Variants in DNM1 observed in about 807,000 individuals in gnomAD.
DNM1 encodes dynamin 1, also known as dynamin-1.
In DNM1, 29 loss-of-function variants were observed where a neutral mutation model predicts 104.6. The ratio of observed to expected loss-of-function variants is 0.28; its 90% CI spans 0.21 to 0.38. DNM1 has a LOEUF of 0.38. DNM1 is among the 10% of genes least tolerant of loss of function. The pLI, the probability that DNM1 is intolerant of heterozygous loss-of-function variation, is 1.00. For missense variants in DNM1, 640 were observed against 1,189.4 expected (o/e 0.54, Z 6.79); for synonymous variants, 445 against 475.8 (o/e 0.94, Z 0.84).
intron 15 of DNM1, chr9:128,244,990 T>G: frequency 2.4e-5 from 6 of 254,678 alleles, no homozygotes; most frequent in East Asian, 1.1e-4. Context: ...TCCTTTGACG[T>G]GGCAGGGGTG....
At position 128,220,914 on chromosome 9, in the gene DNM1, T is replaced by TTTCTTTCC. The variant is rs1834948644; in HGVS notation, c.849+580_849+581insCTTCTTTC. ...CTTTCTTTCTTTCTTTCTTTCTTTC[T>TTTCTTTCC]TTCTTTCTTTCTTTCTTTCTTTTCT... On this transcript the variant is annotated intron_variant, in intron 6 of 21. Transcript: ENST00000372923. The surrounding 1 kb of genome is among the most constrained non-coding windows in gnomAD (Gnocchi z 5.2). Among the ~76,000 whole-genome samples, 1 of 148,670 alleles carries TTTCTTTCC rather than the reference T, an allele frequency of 6.7e-6. No individual in the cohort carries two copies. The highest frequency in any genetic ancestry group is 1.5e-5 in the Non-Finnish European group (1 of 66,936).
intron 1 of DNM1, among the ~76,000 whole-genome samples, chr9:128,217,830 G>A (rs1268087336): frequency 2.0e-5 from 3 of 152,202 alleles, no homozygotes; most frequent in African/African-American, 4.8e-5. Flanking sequence ...AGGGAGGGGA[G>A]AAGTTACAGC....
intron 10 of DNM1, among the ~76,000 whole-genome samples, chr9:128,228,464 C>T (rs962610466): frequency 6.6e-6 from 1 of 152,176 alleles, no homozygotes; most frequent in African/African-American, 2.4e-5. Context: ...CATGAGCCAC[C>T]ATCTGGCAAC....
intron 14 of DNM1, among the ~76,000 whole-genome samples, chr9:128,241,377 T>G (rs1423628715): frequency 1.3e-5 from 2 of 152,170 alleles, no homozygotes; most frequent in African/African-American, 4.8e-5. Flanking sequence ...TGGACAGTCC[T>G]GGGGACAGCT....
At position 128,220,742 on chromosome 9, in the gene DNM1, C is replaced by CGTGTGTGTGTGTGT. The variant is rs140950284; in HGVS notation, c.849+414_849+427dup. 4.7e-3 allele frequency among the ~76,000 whole-genome samples: 644 copies of CGTGTGTGTGTGTGT among 136,358 alleles called. 9 individuals are homozygous for CGTGTGTGTGTGTGT. Among genetic ancestry groups the CGTGTGTGTGTGTGT allele is most frequent in the African/African-American group, 0.015 (572 of 37,806 alleles). The allele number at this position is 136,358 out of a possible 152,430, so 89.5% of individuals were successfully genotyped here. On this transcript the variant is annotated intron_variant, in intron 6 of 21. Coordinates refer to ENST00000372923, the MANE Select transcript of DNM1 (RefSeq NM_004408.4). The surrounding 1 kb of genome is among the most constrained non-coding windows in gnomAD (Gnocchi z 5.2). The stretch of plus-strand genomic sequence containing the variant: ...CAGAACTGAAGTGCGCGCGCGCGCG[C>CGTGTGTGTGTGTGT]GTGTGTGTGTGTGTGTGTGTGTGTG...
chr9:128,238,828 TG>T (rs1836178967), intron 11 of DNM1, among the ~76,000 whole-genome samples: 1 of 149,386 alleles, frequency 6.7e-6, no homozygotes, highest in Non-Finnish European at 1.5e-5. Context: ...GCTAATTTTT[TG>T]TATTTTTAGT....
Position 128,248,469 on chromosome 9 carries a change from C to A in DNM1, c.1906-114C>A. ...GCCAGGTATGTATTCAGGCCAGTCG[C>A]TTCTCTCTGTGCCTCAATATTCTGG... On this transcript the variant is annotated intron_variant, in intron 18 of 21. Transcript: ENST00000372923. The surrounding 1 kb of genome is among the most constrained non-coding windows in gnomAD (Gnocchi z 5.6). 7.8e-7 allele frequency: 1 copy of A among 1,281,666 alleles called. No homozygotes were observed. The highest frequency in any genetic ancestry group is 1.1e-6 in the Non-Finnish European group (1 of 926,994). The allele number at this position is 1,281,666 out of a possible 1,614,324, so 79.4% of individuals were successfully genotyped here.
In DNM1 at chr9:128,245,607, TAAATC is replaced by T. The variant is rs1337197182; in HGVS notation, c.1672-783_1672-779del. 6.6e-6 allele frequency among the ~76,000 whole-genome samples: 1 copy of T among 152,062 alleles called. No individual in the cohort carries two copies. The highest frequency in any genetic ancestry group is 2.4e-5 in the African/African-American group (1 of 41,378). ...ATAACTCCTCCCAGACAGCTCTAGA[TAAATC>T]AAACACACAGCCCATTGTACCACGG... On this transcript the variant is annotated intron_variant, in intron 15 of 21. Coordinates refer to ENST00000372923, the MANE Select transcript of DNM1 (RefSeq NM_004408.4). The surrounding 1 kb of genome is among the most constrained non-coding windows in gnomAD (Gnocchi z 5.2).
Position 128,247,945 on chromosome 9 carries a change from C to T in DNM1, c.1905+10C>T. 1 of 1,614,072 alleles carries T rather than the reference C, an allele frequency of 6.2e-7. No individual in the cohort carries two copies. Among genetic ancestry groups the T allele is most frequent in the South Asian group, 1.1e-5 (1 of 91,082 alleles). ...CCAGGACAAAGAGAAAGTGAGTGTG[C>T]CCTTCTCTTGCCTCCTGCCAGGCAT... On this transcript the variant is annotated intron_variant, in intron 18 of 21. Coordinates refer to ENST00000372923, the MANE Select transcript of DNM1 (RefSeq NM_004408.4). The surrounding 1 kb of genome is among the most constrained non-coding windows in gnomAD (Gnocchi z 5.1).
At chr9:128,216,115 G>T (rs1480700937) in intron 1 of DNM1, among the ~76,000 whole-genome samples, 1 of 150,796 alleles carries the variant, frequency 6.6e-6, no homozygotes, top group Non-Finnish European at 1.5e-5. Context: ...TTACTTGTCT[G>T]TCTCTCCCAC....
At chr9:128,239,400 T>G (rs747566717) in intron 11 of DNM1, 45 bp from the exon 12 acceptor site, 6 of 1,496,670 alleles carry the variant, frequency 4.0e-6, no homozygotes, top group Non-Finnish European at 4.7e-6. Context: ...TTTAAAACTT[T>G]GTGGTGTCTT....
intron 10 of DNM1, among the ~76,000 whole-genome samples, chr9:128,231,311 T>C (rs1050078298): frequency 1.4e-5 from 2 of 148,060 alleles, no homozygotes; most frequent in Non-Finnish European, 3.0e-5. Flanking sequence ...CAAGTGATTC[T>C]CCTGCCTCAG....
chr9:128,237,451 G>C (rs1836087009), intron 11 of DNM1, among the ~76,000 whole-genome samples: 2 of 152,008 alleles, frequency 1.3e-5, no homozygotes, highest in South Asian at 4.1e-4. Flanking sequence ...TGTAGAGACA[G>C]GGTTTCACCA....
chr9:128,239,231 C>G (rs1241997770), intron 11 of DNM1, among the ~76,000 whole-genome samples: 2 of 152,102 alleles, frequency 1.3e-5, no homozygotes, highest in Non-Finnish European at 2.9e-5. Context: ...CTCCTAGGCT[C>G]AAGCAATCCT....
intron 4 of DNM1, 106 bp from the exon 5 acceptor site, chr9:128,219,882 G>C (rs1834838996): frequency 2.6e-6 from 2 of 777,392 alleles, no homozygotes; most frequent in Non-Finnish European, 4.1e-6. Context: ...AGGAGGCAGT[G>C]AGCAGGCAGG....
chr9:128,234,232 C>A, intron 11 of DNM1, 125 bp downstream of exon 11: 1 of 716,500 alleles, frequency 1.4e-6, no homozygotes, highest in Non-Finnish European at 2.3e-6. Flanking sequence ...CTTCCTCTGT[C>A]TCATACTGAC....
At chr9:128,228,193 C>T (rs1338311666) in intron 10 of DNM1, among the ~76,000 whole-genome samples, 1 of 152,082 alleles carries the variant, frequency 6.6e-6, no homozygotes, top group African/African-American at 2.4e-5. Flanking sequence ...AGGCTCCTCC[C>T]ACCACACCCA....
At chr9:128,211,460 G>A (rs963276775) in intron 1 of DNM1, among the ~76,000 whole-genome samples, 3 of 144,512 alleles carry the variant, frequency 2.1e-5, no homozygotes, top group Middle Eastern at 7.5e-3. Context: ...CTGTTCTCTC[G>A]CCTGGAAGCC....
chr9:128,248,843 C>T lies in DNM1; in HGVS notation c.2076+90C>T. On this transcript the variant is annotated intron_variant, in intron 19 of 21. Transcript: ENST00000372923. The surrounding 1 kb of genome is among the most constrained non-coding windows in gnomAD (Gnocchi z 5.6). Reference sequence around the variant, plus strand: ...GGCCTGGGGGAGATGCCAACCAGCCCTATGGGACCAGGTCCAGGGAGGGAG... The same window carrying T: ...GGCCTGGGGGAGATGCCAACCAGCCTTATGGGACCAGGTCCAGGGAGGGAG... 2 of 1,435,994 alleles carry T rather than the reference C, an allele frequency of 1.4e-6. No homozygotes were observed. Among genetic ancestry groups the T allele is most frequent in the East Asian group, 4.6e-5 (2 of 43,714 alleles). The allele number at this position is 1,435,994 out of a possible 1,614,324, so 89.0% of individuals were successfully genotyped here.
Sources: allele counts gnomAD v4.1 joint callset (sites outside exome capture counted in the v4.1 genomes callset), GRCh38; gene constraint gnomAD v4.1.1; non-coding constraint Gnocchi (gnomAD v3.1); transcripts MANE v1.5; gene names NCBI Gene and HGNC (gene_info 2026-07-23, HGNC 2026-07-21).